Variants in MEIKIN observed in about 807,000 individuals in gnomAD.
MEIKIN encodes meiotic kinetochore factor.
At chr5:131,923,397 T>C (rs1242675260) in intron 5 of MEIKIN, among the ~76,000 whole-genome samples, 1 of 152,154 alleles carries the variant, frequency 6.6e-6, no homozygotes, top group Non-Finnish European at 1.5e-5. Flanking sequence ...AATAATTTTC[T>C]TCCCTTTTTT....
At chr5:131,843,667 C>G (rs1749959066) in intron 11 of MEIKIN, among the ~76,000 whole-genome samples, 1 of 152,220 alleles carries the variant, frequency 6.6e-6, no homozygotes, top group Admixed American at 6.5e-5. Flanking sequence ...TCAGCTCCAT[C>G]TGAGACCTCA....
At chr5:131,892,398 G>A (rs1475051856) in intron 8 of MEIKIN, among the ~76,000 whole-genome samples, 1 of 152,126 alleles carries the variant, frequency 6.6e-6, no homozygotes, top group Non-Finnish European at 1.5e-5. Flanking sequence ...ATATTTCTTG[G>A]AGGCTTTGTT....
intron 8 of MEIKIN, among the ~76,000 whole-genome samples, chr5:131,899,000 T>C (rs1481857226): frequency 6.6e-6 from 1 of 152,214 alleles, no homozygotes; most frequent in African/African-American, 2.4e-5. Flanking sequence ...ATTACCCATC[T>C]TCTGTGTCGA....
intron 12 of MEIKIN, among the ~76,000 whole-genome samples, chr5:131,818,203 A>G (rs1773136851): frequency 6.6e-6 from 1 of 152,218 alleles, no homozygotes; most frequent in Non-Finnish European, 1.5e-5. Flanking sequence ...GAAGTACTCA[A>G]CCAATATGAG....
rs565276258 is a variant in MEIKIN at position 131,809,174 on chromosome 5, A to G, written c.1100-1916T>C. Among the ~76,000 whole-genome samples the G allele has an allele frequency of 7.2e-5, 11 of 152,324 alleles. No homozygotes were observed. In the South Asian group the frequency reaches 1.0e-3, roughly 14 times the overall value. ...AAGACAACTATGTCTTTATCTCAAT[A>G]TCACCAGCAACTATTTCTAGCATAT... On this transcript the variant is annotated intron_variant, in intron 12 of 12. Transcript: ENST00000442687.
intron 9 of MEIKIN, among the ~76,000 whole-genome samples, chr5:131,856,110 T>C (rs1750188113): frequency 6.6e-6 from 1 of 152,180 alleles, no homozygotes; most frequent in Non-Finnish European, 1.5e-5. Context: ...AAAATTTTTG[T>C]CAGAAATGTT....
At chr5:131,874,688 A>G (rs1338638193) in intron 9 of MEIKIN, among the ~76,000 whole-genome samples, 1 of 152,176 alleles carries the variant, frequency 6.6e-6, no homozygotes, top group Non-Finnish European at 1.5e-5. Context: ...CAGAGACACA[A>G]CAAAAAAAGG....
At chr5:131,827,785 T>C (rs1223863230) in intron 11 of MEIKIN, among the ~76,000 whole-genome samples, 1 of 152,190 alleles carries the variant, frequency 6.6e-6, no homozygotes, top group Admixed American at 6.5e-5. Context: ...GTGGCTAATT[T>C]CAACACATTA....
intron 8 of MEIKIN, among the ~76,000 whole-genome samples, chr5:131,886,851 C>G (rs1750806690): frequency 6.6e-6 from 1 of 151,888 alleles, no homozygotes; most frequent in Admixed American, 6.5e-5. Context: ...TACATGTGCA[C>G]AACATGCAGG....
intron 5 of MEIKIN, among the ~76,000 whole-genome samples, chr5:131,923,407 T>C (rs540460764): frequency 1.3e-5 from 2 of 152,250 alleles, no homozygotes; most frequent in East Asian, 3.9e-4. Flanking sequence ...TTCCCTTTTT[T>C]CTGTTATCTT....
At chr5:131,912,275 G>C (rs923870026) in intron 7 of MEIKIN, among the ~76,000 whole-genome samples, 3 of 151,530 alleles carry the variant, frequency 2.0e-5, no homozygotes, top group Non-Finnish European at 2.9e-5. Context: ...AGAATTTTAA[G>C]ATACATGACA....
intron 6 of MEIKIN, among the ~76,000 whole-genome samples, chr5:131,917,698 A>G (rs1751434888): frequency 6.6e-6 from 1 of 152,188 alleles, no homozygotes; most frequent in Admixed American, 6.5e-5. Flanking sequence ...CCTCAGGTAC[A>G]TTAAGATATT....
chr5:131,914,161 C>A (rs1243930677), intron 7 of MEIKIN, among the ~76,000 whole-genome samples: 1 of 152,122 alleles, frequency 6.6e-6, no homozygotes, highest in Non-Finnish European at 1.5e-5. Flanking sequence ...GAGTCCCCAT[C>A]AGCAAGAAGG....
In MEIKIN at chr5:131,901,176, C is replaced by T. The variant is rs532164872; in HGVS notation, c.703+10639G>A. Among the ~76,000 whole-genome samples the T allele has an allele frequency of 1.8e-4, 27 of 152,222 alleles. No homozygotes were observed. In the South Asian group the frequency reaches 2.3e-3, roughly 13 times the overall value. On this transcript the variant is annotated intron_variant, in intron 8 of 12. Coordinates refer to ENST00000442687, the MANE Select transcript of MEIKIN (RefSeq NM_001303622.2). ...GGCCACTGCCACTCACATGAATGCACGCACAGATGGCGTCAGTCCCACACC... is the reference window on the plus strand; with the variant it reads ...GGCCACTGCCACTCACATGAATGCATGCACAGATGGCGTCAGTCCCACACC...
chr5:131,849,990 T>C (rs1750084396), intron 11 of MEIKIN, among the ~76,000 whole-genome samples: 5 of 150,572 alleles, frequency 3.3e-5, no homozygotes. Flanking sequence ...ACAAAGTCAA[T>C]ACACAAAAAT....
chr5:131,891,799 T>G (rs901623216), intron 8 of MEIKIN, among the ~76,000 whole-genome samples: 1 of 152,246 alleles, frequency 6.6e-6, no homozygotes, highest in Non-Finnish European at 1.5e-5. Flanking sequence ...TGATGCAGCA[T>G]CTTCGTAGCT....
chr5:131,865,770 C>T (rs75014683), intron 9 of MEIKIN, among the ~76,000 whole-genome samples: 157 of 152,316 alleles, frequency 1.0e-3, no homozygotes, highest in Admixed American at 2.2e-3. Flanking sequence ...TGCAGTATTA[C>T]TGTCTTTGTA....
chr5:131,904,822 T>C (rs997011855), intron 8 of MEIKIN, among the ~76,000 whole-genome samples: 2 of 152,176 alleles, frequency 1.3e-5, no homozygotes, highest in South Asian at 4.1e-4. Context: ...TAAAAAATGA[T>C]GAGTTCATGT....
chr5:131,902,699 G>A (rs1374588342), intron 8 of MEIKIN, among the ~76,000 whole-genome samples: 1 of 152,058 alleles, frequency 6.6e-6, no homozygotes, highest in Non-Finnish European at 1.5e-5. Context: ...CCACAAAGAT[G>A]GGAAAGAACC....
Sources: gnomAD v4.1 joint callset for allele counts (sites outside exome capture counted in the v4.1 genomes callset) on GRCh38, gnomAD v4.1.1 for gene constraint, MANE v1.5 for transcripts, NCBI Gene and HGNC (gene_info 2026-07-23, HGNC 2026-07-21) for gene names.